XYLT1: variants seen among roughly 807,000 people sequenced by gnomAD.
XYLT1 encodes xylosyltransferase 1.
XYLT1 carries 36 observed loss-of-function variants against 91.3 expected under a neutral mutation model. The ratio of observed to expected loss-of-function variants is 0.39; its 90% CI spans 0.30 to 0.52. XYLT1 has a LOEUF of 0.52. XYLT1 is among the 20% of genes least tolerant of loss of function. XYLT1 has a pLI of 0.68. For synonymous variants in XYLT1, 588 were observed against 532.0 expected, an observed-to-expected ratio of 1.11 and a Z score of -1.45; for missense variants, 1,242 against 1,284.5, an observed-to-expected ratio of 0.97 and a Z score of 0.51.
At chr16:17,213,798 T>A (rs1203961646) in intron 3 of XYLT1, among the ~76,000 whole-genome samples, 1 of 152,076 alleles carries the variant, frequency 6.6e-6, no homozygotes, top group Non-Finnish European at 1.5e-5. Context: ...TTTTGTATTT[T>A]TAGTAGAGAC....
At chr16:17,288,643 C>A (rs2034176014) in intron 2 of XYLT1, among the ~76,000 whole-genome samples, 1 of 152,154 alleles carries the variant, frequency 6.6e-6, no homozygotes, top group African/African-American at 2.4e-5. Context: ...GCAGAGGTGA[C>A]CCTAAGTTTG....
intron 3 of XYLT1, among the ~76,000 whole-genome samples, chr16:17,212,744 C>A (rs971180290): frequency 1.3e-5 from 2 of 152,068 alleles, no homozygotes; most frequent in African/African-American, 4.8e-5. Flanking sequence ...TTGTTCAGAG[C>A]CCTGGGATAT....
At chr16:17,452,492 T>C (rs2036680031) in intron 1 of XYLT1, among the ~76,000 whole-genome samples, 1 of 152,122 alleles carries the variant, frequency 6.6e-6, no homozygotes, top group Non-Finnish European at 1.5e-5. Flanking sequence ...TCATATTTAA[T>C]GTCAAAACCT....
Position 17,141,279 on chromosome 16 carries a change from A to C in XYLT1, c.1461T>G (p.Ile487Met), listed in dbSNP as rs1363832398. ...RLGDRRIPEG[I>M]AVDGGSDWFL... ...ACCAGTCCGAACCGCCATCCACGGC[A>C]ATGCCCTCTGGGATCCGCCGATCTC... is the stretch of plus-strand genomic sequence containing the variant. The change falls in exon 7 of 12, where the codon ATT (isoleucine) becomes ATG (methionine). Residue 487 changes from isoleucine to methionine, a missense_variant. Around this residue, in one of 3 missense-constraint regions of XYLT1, gnomAD observed 294 missense variants for 376.0 expected, o/e 0.78. Transcript: ENST00000261381. The C allele has an allele frequency of 6.2e-7, 1 of 1,614,194 alleles. No homozygotes were observed. Among genetic ancestry groups the C allele is most frequent in the Non-Finnish European group, 8.5e-7 (1 of 1,180,030 alleles).
chr16:17,133,788 T>C (rs1169900932), intron 9 of XYLT1, among the ~76,000 whole-genome samples: 1 of 152,212 alleles, frequency 6.6e-6, no homozygotes. Context: ...TCTAGAACAC[T>C]CTTTCCTGAA....
chr16:17,386,418 T>C (rs1231153592), intron 1 of XYLT1, among the ~76,000 whole-genome samples: 2 of 152,178 alleles, frequency 1.3e-5, no homozygotes, highest in Non-Finnish European at 2.9e-5. Flanking sequence ...GATTTGCTTT[T>C]ACAAAGGGAT....
At chr16:17,346,300 A>G (rs964580627) in intron 2 of XYLT1, among the ~76,000 whole-genome samples, 2 of 152,138 alleles carry the variant, frequency 1.3e-5, no homozygotes, top group Admixed American at 1.3e-4. Context: ...TCCACTTTGC[A>G]GGTGAGACCC....
chr16:17,389,857 C>G (rs777615074), intron 1 of XYLT1, among the ~76,000 whole-genome samples: 1 of 152,132 alleles, frequency 6.6e-6, no homozygotes, highest in African/African-American at 2.4e-5. Flanking sequence ...TTAAATTTAC[C>G]GACAGCTTAA....
Position 17,435,617 on chromosome 16 carries a change from GAA to G in XYLT1, c.363+34815_363+34816del, listed in dbSNP as rs34281511. On this transcript the variant is annotated intron_variant, in intron 1 of 11. Coordinates refer to ENST00000261381, the MANE Select transcript of XYLT1 (RefSeq NM_022166.4). ...AAGGTAAATGCTTCCTGATGAGAAG[GAA>G]AAAAAAAAGTCTAAGGAGTCTTCAT... is the stretch of plus-strand genomic sequence containing the variant. 7.9e-3 allele frequency among the ~76,000 whole-genome samples: 1,163 copies of G among 147,782 alleles called. 8 individuals carry two copies. Among genetic ancestry groups the G allele is most frequent in the Middle Eastern group, 0.031 (9 of 292 alleles).
intron 1 of XYLT1, among the ~76,000 whole-genome samples, chr16:17,450,366 A>C (rs4337285): frequency 0.35 from 51,257 of 147,344 alleles, 9,733 homozygotes; most frequent in African/African-American, 0.54. Flanking sequence ...AACAAACAAA[A>C]AAAAAAAGGT....
Position 17,127,663 on chromosome 16 carries a change from T to C in XYLT1, c.2223+3A>G, listed in dbSNP as rs373843519. ...TGAAATGTGACAAGACCTGGCCTCT[T>C]ACCTCGGAAAACTGAAGCCTCCCAA... On this transcript the variant is annotated splice_donor_region_variant and intron_variant, in intron 10 of 11. Coordinates refer to ENST00000261381, the MANE Select transcript of XYLT1 (RefSeq NM_022166.4). 1 of 1,612,998 alleles carries C rather than the reference T, an allele frequency of 6.2e-7. No individual in the cohort carries two copies. The highest frequency in any genetic ancestry group is 1.3e-5 in the African/African-American group (1 of 74,930).
At chr16:17,277,450 C>T (rs758393241) in intron 2 of XYLT1, among the ~76,000 whole-genome samples, 4 of 152,026 alleles carry the variant, frequency 2.6e-5, no homozygotes, top group Admixed American at 1.3e-4. Flanking sequence ...AGTGCAGTGG[C>T]GCGATCTCCA....
At chr16:17,161,100 C>G (rs2031539034) in intron 5 of XYLT1, among the ~76,000 whole-genome samples, 1 of 152,180 alleles carries the variant, frequency 6.6e-6, no homozygotes, top group Admixed American at 6.5e-5. Context: ...TCTCGTGAAG[C>G]CTCAGGTCTC....
intron 1 of XYLT1, among the ~76,000 whole-genome samples, chr16:17,360,802 CAGTAG>C (rs1464475376): frequency 1.3e-5 from 2 of 152,206 alleles, no homozygotes; most frequent in African/African-American, 2.4e-5. Context: ...CTTTGGTTTA[CAGTAG>C]AGTAAATTCC....
intron 3 of XYLT1, among the ~76,000 whole-genome samples, chr16:17,211,002 C>CA (rs2032746237): frequency 6.6e-6 from 1 of 152,188 alleles, no homozygotes; most frequent in Non-Finnish European, 1.5e-5. Flanking sequence ...GATTTCTTCG[C>CA]ATTGTTGCTG....
intron 1 of XYLT1, among the ~76,000 whole-genome samples, chr16:17,447,668 G>A (rs1375669866): frequency 1.3e-5 from 2 of 152,192 alleles, no homozygotes; most frequent in Non-Finnish European, 1.5e-5. Flanking sequence ...AGGTGCTTAT[G>A]GGATGCTCTT....
At chr16:17,148,116 T>C (rs2031184809) in intron 6 of XYLT1, among the ~76,000 whole-genome samples, 4 of 152,214 alleles carry the variant, frequency 2.6e-5, no homozygotes, top group Admixed American at 2.6e-4. Flanking sequence ...AGTTTCCTCA[T>C]CTGTAAGATA....
At chr16:17,244,918 C>G (rs2033411522) in intron 3 of XYLT1, among the ~76,000 whole-genome samples, 1 of 152,190 alleles carries the variant, frequency 6.6e-6, no homozygotes, top group South Asian at 2.1e-4. Flanking sequence ...AAAAAATCAT[C>G]TAACTTGTGA....
At chr16:17,360,617 A>G (rs2035368465) in intron 1 of XYLT1, among the ~76,000 whole-genome samples, 1 of 152,130 alleles carries the variant, frequency 6.6e-6, no homozygotes, top group Non-Finnish European at 1.5e-5. Context: ...CTCTGCACAC[A>G]CTGGAAATGG....
Sources: allele counts gnomAD v4.1 joint callset (sites outside exome capture counted in the v4.1 genomes callset), GRCh38; gene constraint gnomAD v4.1.1; regional missense constraint gnomAD v4.1.1; transcripts MANE v1.5; gene names NCBI Gene and HGNC (gene_info 2026-07-23, HGNC 2026-07-21).